Variants in ZNF560 observed in about 807,000 individuals in gnomAD.
The protein encoded by ZNF560 is zinc finger protein 560.
In ZNF560, 54 loss-of-function variants were observed where a neutral mutation model predicts 81.8. The ratio of observed to expected loss-of-function variants is 0.66; its 90% CI spans 0.53 to 0.83. The LOEUF (loss-of-function observed/expected upper bound fraction) is 0.83, where lower values mean the gene tolerates loss of function less well. ZNF560 is among the 40% of genes least tolerant of loss of function. ZNF560 has a pLI of 0.00. For missense variants in ZNF560, 940 were observed against 932.4 expected (o/e 1.01, Z -0.11); for synonymous variants, 321 against 317.9 (o/e 1.01, Z -0.10).
chr19:9,466,417 T>C lies in ZNF560; in HGVS notation c.*157A>G. 1 of 633,620 alleles carries C rather than the reference T, an allele frequency of 1.6e-6. No individual in the cohort carries two copies. Among genetic ancestry groups the C allele is most frequent in the Non-Finnish European group, 2.7e-6 (1 of 376,216 alleles). The allele number at this position is 633,620 out of a possible 1,614,324, so 39.2% of individuals were successfully genotyped here. ...ACATTTACAGGGTTTCTCTACAGTG[T>C]GAGTTTGTACATATCTAGAAAGATT... On this transcript the variant is annotated 3_prime_UTR_variant, in exon 10 of 10. Coordinates refer to ENST00000301480, the MANE Select transcript of ZNF560 (RefSeq NM_152476.3).
the ZNF560 span, among the ~76,000 whole-genome samples, chr19:9,450,581 AGTCTCGCTGTT>A: frequency 6.6e-6 from 1 of 152,216 alleles, no homozygotes; most frequent in Non-Finnish European, 1.5e-5. Flanking sequence ...TTAAAGATAC[AGTCTCGCTGTT>A]GCCCAGGCTG....
At chr19:9,491,297 T>C (rs182233411) in intron 2 of ZNF560, among the ~76,000 whole-genome samples, 68 of 152,114 alleles carry the variant, frequency 4.5e-4, no homozygotes, top group African/African-American at 1.6e-3. Context: ...CTTTTAATCT[T>C]TTTTGGTATA....
At chr19:9,490,510 A>T (rs1468957234) in intron 2 of ZNF560, among the ~76,000 whole-genome samples, 1 of 152,246 alleles carries the variant, frequency 6.6e-6, no homozygotes. Flanking sequence ...ACCCTACTAT[A>T]ACAGGGATTA....
At chr19:9,481,542 C>G (rs1050225881) in intron 2 of ZNF560, among the ~76,000 whole-genome samples, 2 of 152,098 alleles carry the variant, frequency 1.3e-5, no homozygotes, top group Admixed American at 1.3e-4. Context: ...GGGCTAATAT[C>G]CAGAATCTAC....
chr19:9,474,770 T>C (rs966851164), intron 3 of ZNF560, among the ~76,000 whole-genome samples: 1 of 151,390 alleles, frequency 6.6e-6, no homozygotes, highest in African/African-American at 2.4e-5. Context: ...GTGATCGTCC[T>C]GCCTCAGCCT....
intron 7 of ZNF560, 64 bp from the exon 8 acceptor site, chr19:9,469,774 G>A (rs1201028402): frequency 7.3e-7 from 1 of 1,364,974 alleles, no homozygotes; most frequent in African/African-American, 1.4e-5. Context: ...ACTTTTCCAT[G>A]AAACAGGGAC....
intron 2 of ZNF560, among the ~76,000 whole-genome samples, chr19:9,496,802 G>T (rs937695438): frequency 6.6e-6 from 1 of 151,752 alleles, no homozygotes; most frequent in African/African-American, 2.4e-5. Flanking sequence ...TGGGCGAGGT[G>T]GCACGTGCCT....
chr19:9,462,938 GA>G (rs2072956785), downstream of ZNF560, among the ~76,000 whole-genome samples: 1 of 152,034 alleles, frequency 6.6e-6, no homozygotes, highest in African/African-American at 2.4e-5. Context: ...CCTAAGCAAT[GA>G]AAAGTAGAAA....
chr19:9,462,869 C>T (rs974388855), downstream of ZNF560, among the ~76,000 whole-genome samples: 1 of 152,082 alleles, frequency 6.6e-6, no homozygotes, highest in Non-Finnish European at 1.5e-5. Context: ...GCAAGATCAT[C>T]AAAGAGGAAT....
At chr19:9,446,486 G>GGGTTT in the ZNF560 span, among the ~76,000 whole-genome samples, 1 of 151,918 alleles carries the variant, frequency 6.6e-6, no homozygotes, top group Non-Finnish European at 1.5e-5. Context: ...CCACGTTAGG[G>GGGTTT]GGTTTACCTG....
rs188635017 is a variant in ZNF560, at chr19:9,470,268, A to T, written c.448+124T>A. 8.6e-5 allele frequency: 108 copies of T among 1,258,960 alleles called. No individual in the cohort carries two copies. The East Asian group carries it at 1.4e-3, about 16-fold the overall frequency. 78.0% of individuals were successfully genotyped at this position (1,258,960 alleles called of 1,614,324 possible). On this transcript the variant is annotated intron_variant, in intron 7 of 9. Transcript: ENST00000301480. ...TTTCCTATTTTACTCATTAAAAAAA[A>T]TTTTTTTTCAGTGTGTATATATCCC...
chr19:9,462,817 G>A (rs1028438512), downstream of ZNF560, among the ~76,000 whole-genome samples: 6 of 152,062 alleles, frequency 3.9e-5, no homozygotes, highest in Non-Finnish European at 8.8e-5. Flanking sequence ...TCTATCAAGG[G>A]CAAGTACAGT....
downstream of ZNF560, among the ~76,000 whole-genome samples, chr19:9,461,414 ATAT>A (rs1309059719): frequency 6.6e-6 from 1 of 152,138 alleles, no homozygotes; most frequent in African/African-American, 2.4e-5. Context: ...CCCTCTGTAC[ATAT>A]TATTACTAAA....
At chr19:9,455,160 C>A in the ZNF560 span, among the ~76,000 whole-genome samples, 10 of 152,166 alleles carry the variant, frequency 6.6e-5, no homozygotes, top group African/African-American at 2.4e-4. Flanking sequence ...CCCCCCAGAT[C>A]AACAGGGGAA....
intron 2 of ZNF560, among the ~76,000 whole-genome samples, chr19:9,479,546 G>A (rs1035920477): frequency 3.3e-5 from 5 of 151,922 alleles, no homozygotes; most frequent in Non-Finnish European, 7.4e-5. Context: ...CAATAAGATA[G>A]AATAATTATA....
upstream of ZNF560, among the ~76,000 whole-genome samples, chr19:9,499,586 T>C (rs74446907): frequency 1.1e-3 from 162 of 152,358 alleles, 1 homozygote; most frequent in Non-Finnish European, 2.0e-3. Context: ...TGTACTACTT[T>C]ATGAAATAAC....
At chr19:9,486,281 T>C (rs992141793) in intron 2 of ZNF560, among the ~76,000 whole-genome samples, 13 of 152,022 alleles carry the variant, frequency 8.6e-5, no homozygotes, top group African/African-American at 2.9e-4. Context: ...TGACAAAGAC[T>C]CTTGGCCAAC....
the ZNF560 span, among the ~76,000 whole-genome samples, chr19:9,457,567 C>T: frequency 2.6e-5 from 4 of 152,158 alleles, no homozygotes; most frequent in Admixed American, 6.6e-5. Flanking sequence ...TCCCCCACTC[C>T]GGAAATATTA....
At chr19:9,475,548 A>G (rs1315350689) in intron 2 of ZNF560, among the ~76,000 whole-genome samples, 179 bp from the exon 3 acceptor site, 1 of 152,058 alleles carries the variant, frequency 6.6e-6, no homozygotes, top group Non-Finnish European at 1.5e-5. Flanking sequence ...AGAAAAAGGA[A>G]TTGTGGGCCA....
Sources: allele counts gnomAD v4.1 joint callset (sites outside exome capture counted in the v4.1 genomes callset), GRCh38; gene constraint gnomAD v4.1.1; transcripts MANE v1.5; gene names NCBI Gene and HGNC (gene_info 2026-07-23, HGNC 2026-07-21).